IL1RAPL2: variants seen among roughly 807,000 people sequenced by gnomAD.
The protein encoded by IL1RAPL2 is interleukin 1 receptor accessory protein like 2.
IL1RAPL2 carries 3 observed loss-of-function variants against 44.1 expected under a neutral mutation model. That is an observed-to-expected ratio of 0.07 (90% confidence interval 0.03 to 0.18). The LOEUF is 0.18. Ranked by LOEUF, IL1RAPL2 falls within the 10% of genes least tolerant of loss-of-function variation. The pLI, the probability that IL1RAPL2 is intolerant of heterozygous loss-of-function variation, is 1.00. For synonymous variants in IL1RAPL2, 181 were observed against 178.8 expected (o/e 1.01, Z -0.10); for missense variants, 391 against 496.4 (o/e 0.79, Z 2.02).
In IL1RAPL2 at chrX:105,012,598, TTCTCTCTCTCTCTCTCTCTC is replaced by T. The variant is rs1174323282; in HGVS notation, c.83-182848_83-182829del. ...AGCACAGGCAAGGCTAACTTTCTCT[TTCTCTCTCTCTCTCTCTCTC>T]TCTCTCTCTCTCTCTCTCTCTCTCT... On this transcript the variant is annotated intron_variant, in intron 2 of 10. Transcript: ENST00000372582. Among the ~76,000 whole-genome samples the T allele has an allele frequency of 8.5e-4, 44 of 51,725 alleles. No homozygotes were observed. In the South Asian group the frequency reaches 0.013, roughly 15 times the overall value. The allele number at this position is 51,725 out of a possible 115,157, so 44.9% of individuals were successfully genotyped here.
chrX:105,137,321 C>T (rs1040849412), intron 2 of IL1RAPL2, among the ~76,000 whole-genome samples: 1 of 112,426 alleles, frequency 8.9e-6, no homozygotes, highest in Non-Finnish European at 1.9e-5. Flanking sequence ...CTAACTGCTG[C>T]TGTATTAGCA....
At chrX:104,762,646 C>G (rs1394219749) in intron 2 of IL1RAPL2, among the ~76,000 whole-genome samples, 1 of 112,952 alleles carries the variant, frequency 8.9e-6, no homozygotes, top group African/African-American at 3.2e-5. Context: ...GGGGCTCCAC[C>G]CCTGAAGAAA....
intron 2 of IL1RAPL2, among the ~76,000 whole-genome samples, chrX:105,005,868 A>T (rs1440980560): frequency 9.0e-6 from 1 of 111,138 alleles, no homozygotes. Flanking sequence ...GAAATCATAG[A>T]TTACAATATT....
chrX:105,334,541 C>T (rs747566903), intron 5 of IL1RAPL2, among the ~76,000 whole-genome samples: 9 of 111,666 alleles, frequency 8.1e-5, no homozygotes, highest in African/African-American at 1.6e-4. Flanking sequence ...AAAAGATAAA[C>T]GCTTGAAAGG....
At chrX:104,839,738 GCTACTAATTA>G (rs1184985386) in intron 2 of IL1RAPL2, among the ~76,000 whole-genome samples, 5 of 111,368 alleles carry the variant, frequency 4.5e-5, no homozygotes, top group African/African-American at 1.6e-4. Flanking sequence ...TGTTTCGTAG[GCTACTAATTA>G]CTACCTCAAT....
At chrX:104,822,167 G>C (rs1312757022) in intron 2 of IL1RAPL2, among the ~76,000 whole-genome samples, 1 of 111,563 alleles carries the variant, frequency 9.0e-6, no homozygotes, top group Non-Finnish European at 1.9e-5. Flanking sequence ...CAGATGGATA[G>C]ATTGTAAAAA....
chrX:105,191,302 G>A (rs782472510), intron 2 of IL1RAPL2, among the ~76,000 whole-genome samples: 4 of 112,499 alleles, frequency 3.6e-5, no homozygotes, highest in Middle Eastern at 4.6e-3. Context: ...TGCAACCTCC[G>A]CCTCCCAGGT....
chrX:105,504,562 C>T (rs1036444874), intron 6 of IL1RAPL2, among the ~76,000 whole-genome samples: 1 of 110,531 alleles, frequency 9.0e-6, no homozygotes, highest in African/African-American at 3.3e-5. Flanking sequence ...AACACAATAC[C>T]GAGGAGAGCA....
intron 2 of IL1RAPL2, among the ~76,000 whole-genome samples, chrX:104,764,502 A>T (rs761806122): frequency 2.7e-5 from 3 of 111,946 alleles, no homozygotes; most frequent in Non-Finnish European, 5.6e-5. Context: ...ATCTGCAAAC[A>T]AGGATAATTT....
At chrX:104,878,961 G>T (rs1191782805) in intron 2 of IL1RAPL2, among the ~76,000 whole-genome samples, 1 of 110,567 alleles carries the variant, frequency 9.0e-6, no homozygotes, top group Admixed American at 9.7e-5. Flanking sequence ...GACATTAAAG[G>T]TACAAAAAGT....
chrX:105,584,464 C>T (rs751637805), intron 6 of IL1RAPL2, among the ~76,000 whole-genome samples: 25 of 110,150 alleles, frequency 2.3e-4, no homozygotes, highest in African/African-American at 8.2e-4. Flanking sequence ...CTCGTTTCAT[C>T]CTTTTATTTT....
chrX:104,956,658 C>T (rs937837288), intron 2 of IL1RAPL2, among the ~76,000 whole-genome samples: 31 of 110,709 alleles, frequency 2.8e-4, no homozygotes, highest in African/African-American at 8.2e-4. Flanking sequence ...CAAAACAAAA[C>T]AAAACAAACC....
chrX:105,449,740 C>T (rs935602935), intron 5 of IL1RAPL2, among the ~76,000 whole-genome samples: 1 of 107,887 alleles, frequency 9.3e-6, no homozygotes, highest in Admixed American at 9.7e-5. Flanking sequence ...AGTGAGATTC[C>T]GTCAAAAAAA....
rs112337507 is a variant in IL1RAPL2, at chrX:105,392,600, T to G, written c.698-91713T>G. ...AAGATGAGGAACTTTGACAGTGACA[T>G]TTTTTTAAGGTGCAAGTGGCATATT... On this transcript the variant is annotated intron_variant, in intron 5 of 10. Coordinates refer to ENST00000372582, the MANE Select transcript of IL1RAPL2 (RefSeq NM_017416.2). Among the ~76,000 whole-genome samples, 123 of 111,806 alleles carry G rather than the reference T, an allele frequency of 1.1e-3. 1 individual carries two copies. Among genetic ancestry groups the G allele is most frequent in the African/African-American group, 3.8e-3 (116 of 30,794 alleles).
intron 2 of IL1RAPL2, among the ~76,000 whole-genome samples, chrX:104,818,436 C>G (rs1443840099): frequency 9.4e-6 from 1 of 106,170 alleles, no homozygotes; most frequent in African/African-American, 3.5e-5. Context: ...AGTAGGTATT[C>G]TGATTTTTAA....
Position 105,267,525 on chromosome X carries a change from T to A in IL1RAPL2, c.681T>A (p.Thr227=). The A allele has an allele frequency of 8.4e-7, 1 of 1,186,721 alleles. No homozygotes were observed. The highest frequency in any genetic ancestry group is 1.9e-5 in the South Asian group (1 of 52,488). ...AAGGAAAACTTGTAAGACGAACAAC[T>A]GAATTGAAAGTTACAGGTAGGAATC... ...KYEGKLVRRT[T]ELKVTALLTD... is the part of the protein sequence containing the mutation. The change falls in exon 5 of 11, where the codon ACT becomes ACA. Residue 227 remains threonine, a synonymous_variant. Transcript: ENST00000372582.
At chrX:105,201,888 G>A (rs1556146789) in intron 3 of IL1RAPL2, among the ~76,000 whole-genome samples, 1 of 111,849 alleles carries the variant, frequency 8.9e-6, no homozygotes, top group African/African-American at 3.2e-5. Flanking sequence ...GATCAAGAAA[G>A]TGTAGCAGGA....
At chrX:105,003,559 C>A (rs1446797220) in intron 2 of IL1RAPL2, among the ~76,000 whole-genome samples, 4 of 110,747 alleles carry the variant, frequency 3.6e-5, no homozygotes, top group African/African-American at 1.3e-4. Context: ...CTTTTTTTAT[C>A]CTCTGTGTAT....
chrX:105,599,366 A>T (rs749046597), intron 6 of IL1RAPL2, among the ~76,000 whole-genome samples: 1 of 111,713 alleles, frequency 9.0e-6, no homozygotes, highest in South Asian at 3.7e-4. Context: ...AAACTCAAAG[A>T]CATGGTAAAT....
Sources: gnomAD v4.1 joint callset for allele counts (sites outside exome capture counted in the v4.1 genomes callset) on GRCh38, gnomAD v4.1.1 for gene constraint, MANE v1.5 for transcripts, NCBI Gene and HGNC (gene_info 2026-07-23, HGNC 2026-07-21) for gene names.